The following PDE8B variants were observed in gnomAD, a reference collection of about 807,000 sequenced individuals.
PDE8B encodes the protein high affinity cAMP-specific and IBMX-insensitive 3',5'-cyclic phosphodiesterase 8B.
PDE8B carries 26 observed loss-of-function variants against 101.3 expected under a neutral mutation model. That is an observed-to-expected ratio of 0.26 (90% CI 0.19 to 0.36). The LOEUF is 0.36. PDE8B is among the 10% of genes least tolerant of loss of function. The pLI, the probability that PDE8B is intolerant of heterozygous loss-of-function variation, is 1.00. For synonymous variants in PDE8B, 424 were observed against 429.3 expected, an observed-to-expected ratio of 0.99 and a Z score of 0.15; for missense variants, 810 against 1,163.1, an observed-to-expected ratio of 0.70 and a Z score of 4.42.
intron 2 of PDE8B, among the ~76,000 whole-genome samples, chr5:77,318,485 A>G (rs556467867): frequency 6.6e-6 from 1 of 152,308 alleles, no homozygotes; most frequent in East Asian, 1.9e-4. Context: ...GCAGCTATGG[A>G]CAAGTTTTTT....
At chr5:77,159,614 C>T in the PDE8B span, among the ~76,000 whole-genome samples, 3 of 152,066 alleles carry the variant, frequency 2.0e-5, no homozygotes, top group African/African-American at 4.8e-5. Context: ...GGGATTGGTG[C>T]GTTTGCATAT....
In PDE8B at chr5:77,398,074, G is replaced by T. The variant is rs144094996; in HGVS notation, c.1168-2174G>T. ...TTGATGCCGTCTGTTTTCCCCAAGG[G>T]ATCCCAGGCTGTTGGAAATTCCTTT... is the stretch of plus-strand genomic sequence containing the variant. On this transcript the variant is annotated intron_variant, in intron 10 of 21. Transcript: ENST00000264917. 1.6e-3 allele frequency among the ~76,000 whole-genome samples: 247 copies of T among 150,664 alleles called. 1 individual carries two copies. Among genetic ancestry groups the T allele is most frequent in the African/African-American group, 5.8e-3 (240 of 41,394 alleles).
the PDE8B span, among the ~76,000 whole-genome samples, chr5:77,200,599 A>T: frequency 6.6e-6 from 1 of 151,818 alleles, no homozygotes; most frequent in African/African-American, 2.4e-5. Flanking sequence ...GTTCTTTGTC[A>T]TTGTTTTTGT....
the PDE8B span, among the ~76,000 whole-genome samples, chr5:77,116,481 A>G: frequency 6.6e-6 from 1 of 152,102 alleles, no homozygotes; most frequent in South Asian, 2.1e-4. Flanking sequence ...ACCTCAAGTG[A>G]TGCGCCCGCC....
At chr5:77,167,125 C>T in the PDE8B span, among the ~76,000 whole-genome samples, 1 of 152,222 alleles carries the variant, frequency 6.6e-6, no homozygotes, top group Admixed American at 6.5e-5. Context: ...AGAGACTCCA[C>T]AACTCTCCTA....
intron 2 of PDE8B, 53 bp downstream of exon 2, chr5:77,312,106 T>TC (rs1491043465): frequency 2.7e-6 from 1 of 373,162 alleles, no homozygotes. Context: ...TTTTTTTTTC[T>TC]TTTTTTTTTT....
At chr5:77,103,645 G>A in the PDE8B span, among the ~76,000 whole-genome samples, 2 of 152,204 alleles carry the variant, frequency 1.3e-5, no homozygotes, top group Non-Finnish European at 2.9e-5. Context: ...TTCTGAACAT[G>A]AGCCTGCCAC....
At chr5:77,339,773 A>T (rs1778874049) in intron 6 of PDE8B, among the ~76,000 whole-genome samples, 2 of 152,200 alleles carry the variant, frequency 1.3e-5, no homozygotes, top group Admixed American at 1.3e-4. Flanking sequence ...CTGCAGGATG[A>T]TGGTGAATGT....
intron 5 of PDE8B, among the ~76,000 whole-genome samples, chr5:77,332,270 A>C (rs56236913): frequency 0.27 from 40,997 of 152,092 alleles, 6,570 homozygotes; most frequent in African/African-American, 0.45. Flanking sequence ...ATTTTTTTAA[A>C]TAACAAATAT....
chr5:77,380,427 C>T (rs1303047243), intron 10 of PDE8B, among the ~76,000 whole-genome samples: 1 of 152,212 alleles, frequency 6.6e-6, no homozygotes, highest in Non-Finnish European at 1.5e-5. Context: ...CTCACCTTCA[C>T]AACAACTCTT....
At chr5:77,167,924 C>T in the PDE8B span, among the ~76,000 whole-genome samples, 1 of 152,082 alleles carries the variant, frequency 6.6e-6, no homozygotes, top group East Asian at 1.9e-4. Context: ...AGCTGGCTTT[C>T]ACCACACAAG....
intron 1 of PDE8B, among the ~76,000 whole-genome samples, chr5:77,216,413 G>A (rs910536676): frequency 1.3e-4 from 20 of 152,150 alleles, no homozygotes; most frequent in Non-Finnish European, 2.2e-4. Context: ...GGTGGCAGAC[G>A]AGAGAATGAG....
the PDE8B span, among the ~76,000 whole-genome samples, chr5:77,181,705 C>T: frequency 9.6e-3 from 1,459 of 152,206 alleles, 24 homozygotes; most frequent in African/African-American, 0.033. Context: ...CATGGACGGT[C>T]GGTCGGGAGG....
In PDE8B at chr5:77,426,903, G is replaced by T; in HGVS notation, c.*349G>T. On this transcript the variant is annotated 3_prime_UTR_variant, in exon 22 of 22. Coordinates refer to ENST00000264917, the MANE Select transcript of PDE8B (RefSeq NM_003719.5). ...TGCCTGTGAGCTCATCTCCCAGGAT[G>T]GTGACTAAGTAGCTTAGCTAGTGAT... The T allele has an allele frequency of 3.0e-6, 1 of 328,574 alleles. No individual in the cohort carries two copies. The highest frequency in any genetic ancestry group is 5.9e-6 in the Non-Finnish European group (1 of 170,796). The allele number at this position is 328,574 out of a possible 1,614,324, so 20.4% of individuals were successfully genotyped here. A position where few individuals can be genotyped will look rare whatever the true frequency, so the allele number is the denominator to read the frequency against.
the PDE8B span, among the ~76,000 whole-genome samples, chr5:77,183,979 T>A: frequency 2.0e-3 from 300 of 151,520 alleles, no homozygotes; most frequent in African/African-American, 6.2e-3. Flanking sequence ...CTTTTTTTTT[T>A]TAAAAAAAAA....
intron 20 of PDE8B, among the ~76,000 whole-genome samples, chr5:77,424,624 A>G (rs1301105627): frequency 6.6e-6 from 1 of 152,248 alleles, no homozygotes; most frequent in Non-Finnish European, 1.5e-5. Flanking sequence ...GCTCAATTCA[A>G]GTGCATAAGT....
the PDE8B span, chr5:77,112,355 C>T: frequency 6.6e-6 from 1 of 152,166 alleles, no homozygotes; most frequent in African/African-American, 2.4e-5. Context: ...TACCAAGAGA[C>T]ATTTTACTGT....
chr5:77,413,432 A>G (rs1264491051), intron 17 of PDE8B, 123 bp downstream of exon 17: 8 of 822,544 alleles, frequency 9.7e-6, no homozygotes, highest in Non-Finnish European at 1.6e-5. Flanking sequence ...TTAAAAAAAA[A>G]TTTTGTTACC....
At chr5:77,357,062 T>C (rs1782239963) in intron 10 of PDE8B, among the ~76,000 whole-genome samples, 1 of 152,198 alleles carries the variant, frequency 6.6e-6, no homozygotes, top group Non-Finnish European at 1.5e-5. Context: ...AGCAAACCTA[T>C]AGAGAATGTC....
Sources: allele counts gnomAD v4.1 joint callset (sites outside exome capture counted in the v4.1 genomes callset), GRCh38; gene constraint gnomAD v4.1.1; transcripts MANE v1.5; gene names NCBI Gene and HGNC (gene_info 2026-07-23, HGNC 2026-07-21).